CYRIB: variants seen among roughly 807,000 people sequenced by gnomAD.
CYRIB encodes CYFIP related Rac1 interactor B, also known as CYFIP-related Rac1 interactor B.
A neutral mutation model predicts 44.2 loss-of-function variants in CYRIB; 8 were observed. The ratio of observed to expected loss-of-function variants is 0.18; its 90% CI spans 0.11 to 0.33. CYRIB has a LOEUF of 0.33. CYRIB is among the 10% of genes least tolerant of loss of function. CYRIB has a pLI of 1.00. For missense variants in CYRIB, 185 were observed against 382.8 expected, an observed-to-expected ratio of 0.48 and a Z score of 4.31; for synonymous variants, 131 against 127.2, an observed-to-expected ratio of 1.03 and a Z score of -0.20.
chr8:129,928,159 G>A (rs1011885092), intron 1 of CYRIB, among the ~76,000 whole-genome samples: 1 of 151,566 alleles, frequency 6.6e-6, no homozygotes, highest in African/African-American at 2.4e-5. Context: ...TCTACCAAGT[G>A]AAAATGCTTA....
At chr8:129,852,963 C>G (rs2044132469) in intron 7 of CYRIB, among the ~76,000 whole-genome samples, 1 of 152,102 alleles carries the variant, frequency 6.6e-6, no homozygotes, top group African/African-American at 2.4e-5. Context: ...AGAAAATTAA[C>G]TGATAATCGT....
intron 2 of CYRIB, among the ~76,000 whole-genome samples, chr8:129,967,028 G>GT (rs957962711): frequency 2.0e-5 from 3 of 152,044 alleles, no homozygotes; most frequent in Admixed American, 2.0e-4. Flanking sequence ...ATCCATGAGT[G>GT]TTTTTTAAAA....
upstream of CYRIB, among the ~76,000 whole-genome samples, chr8:129,942,306 T>G (rs1490694213): frequency 6.6e-6 from 1 of 152,136 alleles, no homozygotes; most frequent in Non-Finnish European, 1.5e-5. Flanking sequence ...GCCTTTGCAC[T>G]CCAGCCTGGA....
At chr8:129,870,469 G>C (rs894984193) in intron 4 of CYRIB, among the ~76,000 whole-genome samples, 3 of 152,102 alleles carry the variant, frequency 2.0e-5, no homozygotes, top group African/African-American at 7.2e-5. Context: ...CTAAACATTT[G>C]GTCAATCACC....
At chr8:129,997,978 G>A (rs2096815615) in intron 1 of CYRIB, among the ~76,000 whole-genome samples, 4 of 151,880 alleles carry the variant, frequency 2.6e-5, no homozygotes. Flanking sequence ...AAAATTAGCT[G>A]GGCGTGATAG....
intron 1 of CYRIB, among the ~76,000 whole-genome samples, chr8:130,000,052 G>T (rs2096873727): frequency 6.6e-6 from 1 of 152,078 alleles, no homozygotes; most frequent in African/African-American, 2.4e-5. Flanking sequence ...AAACTGTAAG[G>T]ACAAGGAGCA....
At chr8:129,948,388 C>T (rs1449972652) in intron 2 of CYRIB, among the ~76,000 whole-genome samples, 4 of 152,162 alleles carry the variant, frequency 2.6e-5, no homozygotes, top group Admixed American at 2.6e-4. Context: ...GCCCATGGCT[C>T]CATTTACAGA....
chr8:129,865,541 G>C (rs566403789), intron 4 of CYRIB, among the ~76,000 whole-genome samples: 6 of 152,296 alleles, frequency 3.9e-5, no homozygotes, highest in African/African-American at 1.4e-4. Flanking sequence ...TATGACTCCT[G>C]CTTCTGAGAG....
intron 1 of CYRIB, among the ~76,000 whole-genome samples, chr8:129,937,842 A>C (rs2093076473): frequency 6.6e-6 from 1 of 152,194 alleles, no homozygotes; most frequent in South Asian, 2.1e-4. Flanking sequence ...AAGAATTCTT[A>C]AACATTATTA....
At chr8:129,973,954 A>T (rs892079882) in intron 1 of CYRIB, among the ~76,000 whole-genome samples, 1 of 152,110 alleles carries the variant, frequency 6.6e-6, no homozygotes, top group African/African-American at 2.4e-5. Flanking sequence ...GCTTTAAGCT[A>T]CCTGAGGGCT....
chr8:129,887,410 G>A lies in CYRIB; in HGVS notation c.-10-7939C>T, dbSNP rs576521476. ...ATGGACATGCCTGGATGTTCAGGCA[G>A]AAGGTACACTGCAGGGGCAGAGCCC... On this transcript the variant is annotated intron_variant, in intron 2 of 11. Transcript: ENST00000519824. Among the ~76,000 whole-genome samples the A allele has an allele frequency of 4.6e-5, 7 of 152,350 alleles. No homozygotes were observed. The South Asian group carries it at 1.0e-3, about 23-fold the overall frequency.
At chr8:129,872,293 T>C (rs551605909) in intron 3 of CYRIB, among the ~76,000 whole-genome samples, 1 of 152,212 alleles carries the variant, frequency 6.6e-6, no homozygotes, top group Admixed American at 6.5e-5. Flanking sequence ...TCCTACACAC[T>C]TGGGAGTAAG....
rs187383179 is a variant in CYRIB, at chr8:129,999,076, C to T, written c.-296+17294G>A. Among the ~76,000 whole-genome samples the T allele has an allele frequency of 6.8e-4, 103 of 152,168 alleles. 1 individual carries two copies. The highest frequency in any genetic ancestry group is 1.2e-3 in the South Asian group (6 of 4,826). On this transcript the variant is annotated intron_variant, in intron 1 of 14. Coordinates refer to the CYRIB transcript ENST00000401979. Reference sequence around the variant, plus strand: ...CATAGCCGTCTGTTCCTAGAGTTAACGCTCAATTATTCACCCTAACAGAGG... The same window carrying T: ...CATAGCCGTCTGTTCCTAGAGTTAATGCTCAATTATTCACCCTAACAGAGG...
intron 2 of CYRIB, among the ~76,000 whole-genome samples, chr8:129,950,332 G>C (rs965561064): frequency 6.6e-6 from 1 of 152,204 alleles, no homozygotes; most frequent in African/African-American, 2.4e-5. Context: ...CACTTTGGGA[G>C]GCCATGGCAG....
At chr8:129,991,971 A>AAAAAAAAAAAAAAAAAAAAAGAGAGAG (rs994697259) in intron 1 of CYRIB, among the ~76,000 whole-genome samples, 6 of 134,604 alleles carry the variant, frequency 4.5e-5, no homozygotes, top group Admixed American at 7.5e-5. Context: ...AAAAAAAAAA[A>AAAAAAAAAAAAAAAAAAAAAGAGAGAG]ACAATAGGAA....
At chr8:129,947,591 C>T (rs536577029) in intron 2 of CYRIB, among the ~76,000 whole-genome samples, 53 of 152,038 alleles carry the variant, frequency 3.5e-4, no homozygotes, top group Admixed American at 4.6e-4. Flanking sequence ...TAAGGTGCCC[C>T]GATGCACTAT....
chr8:130,006,651 CAT>C (rs61545662), intron 1 of CYRIB, among the ~76,000 whole-genome samples: 9 of 100,096 alleles, frequency 9.0e-5, no homozygotes, highest in Admixed American at 2.2e-4. Context: ...TATATATATA[CAT>C]ATATATATGT....
At chr8:129,970,032 A>C (rs2095629535) in intron 2 of CYRIB, among the ~76,000 whole-genome samples, 1 of 152,210 alleles carries the variant, frequency 6.6e-6, no homozygotes. Flanking sequence ...GGCAACACTA[A>C]GTGCAAAGGG....
intron 2 of CYRIB, among the ~76,000 whole-genome samples, chr8:129,955,651 T>A (rs837226): frequency 6.6e-6 from 1 of 152,012 alleles, no homozygotes; most frequent in African/African-American, 2.4e-5. Context: ...GAGGTTTGCA[T>A]AGCACTGTGT....
Sources: gnomAD v4.1 joint callset for allele counts (sites outside exome capture counted in the v4.1 genomes callset) on GRCh38, gnomAD v4.1.1 for gene constraint, MANE v1.5 for transcripts, NCBI Gene and HGNC (gene_info 2026-07-23, HGNC 2026-07-21) for gene names.